Variants in EGFL8 observed in about 807,000 individuals in gnomAD.
EGFL8 encodes the protein EGF like domain multiple 8.
A neutral mutation model predicts 39.4 loss-of-function variants in EGFL8; 32 were observed. The ratio of observed to expected loss-of-function variants is 0.81; its 90% confidence interval spans 0.61 to 1.09. EGFL8 has a LOEUF of 1.09. Ranked by LOEUF, EGFL8 falls within the 50% of genes least tolerant of loss-of-function variation. EGFL8 has a pLI of 0.00. For synonymous variants in EGFL8, 177 were observed against 168.5 expected (o/e 1.05, Z -0.39); for missense variants, 385 against 402.2 (o/e 0.96, Z 0.37).
rs1018861803 is a variant in EGFL8, at chr6:32,166,848, C to T, written c.334+38C>T. 3 of 1,577,138 alleles carry T rather than the reference C, an allele frequency of 1.9e-6. No homozygotes were observed. Among genetic ancestry groups the T allele is most frequent in the South Asian group, 2.3e-5 (2 of 86,224 alleles). ...CTTCCGGGCCTTGCGGGAGGCGCGC[C>T]CCACGGAGCTGGGGAGCTGGGTCGT... is the stretch of plus-strand genomic sequence containing the variant. On this transcript the variant is annotated intron_variant, in intron 4 of 8. Transcript: ENST00000333845. This position sits in a 1 kb window ranked among gnomAD's most constrained non-coding sequence, Gnocchi z 7.3.
chr6:32,168,078 G>T lies in EGFL8; in HGVS notation c.*122G>T, dbSNP rs1196175411. 6.6e-6 allele frequency: 7 copies of T among 1,053,720 alleles called. No homozygotes were observed. The highest frequency in any genetic ancestry group is 1.0e-5 in the Non-Finnish European group (7 of 690,748). The allele number at this position is 1,053,720 out of a possible 1,614,324, so 65.3% of individuals were successfully genotyped here. ...AGCCACCAAAGAGCAATGAACAATG[G>T]AAACTTCAGAGAGCTGAAGAAAGGG... On this transcript the variant is annotated 3_prime_UTR_variant, in exon 9 of 9. Transcript: ENST00000333845. This position sits in a 1 kb window ranked among gnomAD's most constrained non-coding sequence, Gnocchi z 4.5.
chr6:32,167,762 C>G lies in EGFL8; in HGVS notation c.835+106C>G. ...TTCCTCCAAGCCCCTCTCCAACATT[C>G]ACTATCCTCATGCCTCTCCACTTTA... On this transcript the variant is annotated intron_variant, in intron 8 of 8. Transcript: ENST00000333845. This position sits in a 1 kb window ranked among gnomAD's most constrained non-coding sequence, Gnocchi z 6.4. 2 of 1,527,810 alleles carry G rather than the reference C, an allele frequency of 1.3e-6. No homozygotes were observed. Among genetic ancestry groups the G allele is most frequent in the Non-Finnish European group, 1.8e-6 (2 of 1,121,954 alleles). The allele number at this position is 1,527,810 out of a possible 1,614,324, so 94.6% of individuals were successfully genotyped here. A position where few individuals can be genotyped will look rare whatever the true frequency, so the allele number is the denominator to read the frequency against.
rs1784705041 is a variant in EGFL8, at chr6:32,168,041, G to A, written c.*85G>A. 2 of 1,363,418 alleles carry A rather than the reference G, an allele frequency of 1.5e-6. No homozygotes were observed. The highest frequency in any genetic ancestry group is 2.1e-6 in the Non-Finnish European group (2 of 954,270). The allele number at this position is 1,363,418 out of a possible 1,614,324, so 84.5% of individuals were successfully genotyped here. A position where few individuals can be genotyped will look rare whatever the true frequency, so the allele number is the denominator to read the frequency against. On this transcript the variant is annotated 3_prime_UTR_variant, in exon 9 of 9. Transcript: ENST00000333845. This position sits in a 1 kb window ranked among gnomAD's most constrained non-coding sequence, Gnocchi z 4.5. ...TGGGATTGGCCGACTGTGAGCTGCA[G>A]ATAAGGCTATCAGCCACCAAAGAGC...
At position 32,166,918 on chromosome 6, in the gene EGFL8, G is replaced by T. The variant is rs748795876; in HGVS notation, c.343G>T (p.Ala115Ser). ...ACTTCCTCTGTCCTCAGCCATCTGC[G>T]CCAAGCCTTGCCTGAACGGAGGCGT... ...PGALTCEAIC[A>S]KPCLNGGVCV... Residue 115 changes from alanine (A) to serine (S), a missense_variant, in exon 5 of 9, where the codon GCC becomes TCC. Ala to Ser is a moderately conservative substitution (Grantham distance 99). Coordinates refer to ENST00000333845, the MANE Select transcript of EGFL8 (RefSeq NM_030652.4). The surrounding 1 kb of genome is among the most constrained non-coding windows in gnomAD (Gnocchi z 7.3). 2 of 1,611,706 alleles carry T rather than the reference G, an allele frequency of 1.2e-6. No homozygotes were observed. Among genetic ancestry groups the T allele is most frequent in the Non-Finnish European group, 1.7e-6 (2 of 1,178,574 alleles).
chr6:32,167,764 C>A lies in EGFL8; in HGVS notation c.835+108C>A. 6.6e-7 allele frequency: 1 copy of A among 1,525,518 alleles called. No homozygotes were observed. The highest frequency in any genetic ancestry group is 8.9e-7 in the Non-Finnish European group (1 of 1,119,562). 94.5% of individuals were successfully genotyped at this position (1,525,518 alleles called of 1,614,324 possible). ...CCTCCAAGCCCCTCTCCAACATTCA[C>A]TATCCTCATGCCTCTCCACTTTACC... On this transcript the variant is annotated intron_variant, in intron 8 of 8. Coordinates refer to ENST00000333845, the MANE Select transcript of EGFL8 (RefSeq NM_030652.4). This position sits in a 1 kb window ranked among gnomAD's most constrained non-coding sequence, Gnocchi z 6.4.
chr6:32,167,184 A>G lies in EGFL8; in HGVS notation c.528A>G (p.Leu176=). 1 of 1,613,034 alleles carries G rather than the reference A, an allele frequency of 6.2e-7. No homozygotes were observed. The highest frequency in any genetic ancestry group is 2.2e-5 in the East Asian group (1 of 44,882). The change falls in exon 6 of 9, where the codon CTA becomes CTG. Residue 176 remains leucine (L), a synonymous_variant. Transcript: ENST00000333845. The surrounding 1 kb of genome is among the most constrained non-coding windows in gnomAD (Gnocchi z 6.4). The stretch of plus-strand genomic sequence containing the variant: ...GCGGCTGCCCCCATGACCTAGTGCT[A>G]GGCGTGGACGGGCGCACCTGCATGG... ...FTCGCPHDLV[L]GVDGRTCMEG...
At position 32,166,994 on chromosome 6, in the gene EGFL8, A is replaced by G. The variant is rs750772710; in HGVS notation, c.419A>G (p.His140Arg). Reference protein sequence around the residue: ...CECAPGWGGKHCHVDVDECRT... With the variant: ...CECAPGWGGKRCHVDVDECRT... ...TGCGCCCCCGGCTGGGGAGGGAAGC[A>G]CTGTCATGTGGGTGAGTCAGCTTGT... The change falls in exon 5 of 9, where the codon CAC becomes CGC. Residue 140 changes from histidine to arginine, a missense_variant. Physicochemically the swap from His to Arg is conservative, Grantham distance 29. Coordinates refer to ENST00000333845, the MANE Select transcript of EGFL8 (RefSeq NM_030652.4). This position sits in a 1 kb window ranked among gnomAD's most constrained non-coding sequence, Gnocchi z 7.3. 4 of 1,613,028 alleles carry G rather than the reference A, an allele frequency of 2.5e-6. No individual in the cohort carries two copies. The highest frequency in any genetic ancestry group is 1.1e-5 in the South Asian group (1 of 91,080).
chr6:32,167,528 TC>T lies in EGFL8; in HGVS notation c.708del (p.Arg237GlufsTer40), dbSNP rs929172048. 8.7e-6 allele frequency: 14 copies of T among 1,607,978 alleles called. No homozygotes were observed. The Admixed American group carries it at 1.8e-4, about 21-fold the overall frequency. The part of the protein sequence containing the change: ...EQWAGQAGAW[V>X]RAVLPVPPEE... ...TGGGCCGGTCAGGCTGGGGCCTGGGTCAGAGCGGTGCTGCCCGTGCCGCCTG... is the reference window on the plus strand; with the variant it reads ...TGGGCCGGTCAGGCTGGGGCCTGGGTAGAGCGGTGCTGCCCGTGCCGCCTG... On this transcript the variant is annotated frameshift_variant, in exon 8 of 9. Transcript: ENST00000333845. LOFTEE classifies it high-confidence loss of function. The surrounding 1 kb of genome is among the most constrained non-coding windows in gnomAD (Gnocchi z 6.4).
chr6:32,166,278 G>T lies in EGFL8; in HGVS notation c.101+12G>T. ...TCCCTCAGAGAGAGGTGACAACAGA[G>T]GGGGTAGGGCCCGGGGTGAGCTCTT... is the stretch of plus-strand genomic sequence containing the variant. On this transcript the variant is annotated intron_variant, in intron 2 of 8. Transcript: ENST00000333845. The surrounding 1 kb of genome is among the most constrained non-coding windows in gnomAD (Gnocchi z 7.3). The T allele has an allele frequency of 6.2e-7, 1 of 1,613,746 alleles. No homozygotes were observed. The highest frequency in any genetic ancestry group is 8.5e-7 in the Non-Finnish European group (1 of 1,179,790).
Position 32,166,063 on chromosome 6 carries a change from G to T in EGFL8, c.-28-75G>T. The T allele has an allele frequency of 8.9e-7, 1 of 1,125,600 alleles. No individual in the cohort carries two copies. Among genetic ancestry groups the T allele is most frequent in the Non-Finnish European group, 1.3e-6 (1 of 747,716 alleles). The allele number at this position is 1,125,600 out of a possible 1,614,324, so 69.7% of individuals were successfully genotyped here. A position where few individuals can be genotyped will look rare whatever the true frequency, so the allele number is the denominator to read the frequency against. On this transcript the variant is annotated intron_variant, in intron 1 of 8. Transcript: ENST00000333845. This position sits in a 1 kb window ranked among gnomAD's most constrained non-coding sequence, Gnocchi z 7.3. ...CTCCCTTAGAGGGTACCTGCAGAGT[G>T]CCCTTGGAGGGACTAGTGCTGGAGA...
rs773352482 is a variant in EGFL8 at position 32,167,187 on chromosome 6, C to T, written c.531C>T (p.Gly177=). Residue 177 remains glycine, a synonymous_variant, in exon 6 of 9, where the codon GGC becomes GGT. Coordinates refer to ENST00000333845, the MANE Select transcript of EGFL8 (RefSeq NM_030652.4). This position sits in a 1 kb window ranked among gnomAD's most constrained non-coding sequence, Gnocchi z 6.4. ...TCGCPHDLVL[G]VDGRTCMEGS... is the part of the protein sequence containing the mutation. ...GCTGCCCCCATGACCTAGTGCTAGG[C>T]GTGGACGGGCGCACCTGCATGGAGG... 18 of 1,612,912 alleles carry T rather than the reference C, an allele frequency of 1.1e-5. No homozygotes were observed. Among genetic ancestry groups the T allele is most frequent in the South Asian group, 5.5e-5 (5 of 91,088 alleles).
Position 32,167,326 on chromosome 6 carries a change from A to C in EGFL8, c.602-24A>C. 6.2e-7 allele frequency: 1 copy of C among 1,612,766 alleles called. No individual in the cohort carries two copies. Among genetic ancestry groups the C allele is most frequent in the Non-Finnish European group, 8.5e-7 (1 of 1,179,970 alleles). ...GCGTCCGGGCTCGGGTAGTGGTCAC[A>C]CTCTTGGTCTCCTTTGTCCCTAGTT... is the stretch of plus-strand genomic sequence containing the variant. On this transcript the variant is annotated intron_variant, in intron 6 of 8. Transcript: ENST00000333845. This position sits in a 1 kb window ranked among gnomAD's most constrained non-coding sequence, Gnocchi z 6.4.
In EGFL8 at chr6:32,166,792, G is replaced by A; in HGVS notation, c.316G>A (p.Gly106Arg). The A allele has an allele frequency of 1.9e-6, 3 of 1,570,610 alleles. No individual in the cohort carries two copies. The highest frequency in any genetic ancestry group is 2.6e-6 in the Non-Finnish European group (3 of 1,157,090). ...CCQGWKKRHP[G>R]ALTCEAICAK... The stretch of plus-strand genomic sequence containing the variant: ...CCAGGGCTGGAAGAAGCGGCACCCG[G>A]GGGCGCTCACCTGTGAAGGTGAGGC... Residue 106 changes from glycine (G) to arginine (R), a missense_variant, in exon 4 of 9, where the codon GGG (glycine) becomes AGG (arginine). Coordinates refer to ENST00000333845, the MANE Select transcript of EGFL8 (RefSeq NM_030652.4). The surrounding 1 kb of genome is among the most constrained non-coding windows in gnomAD (Gnocchi z 7.3).
At position 32,166,387 on chromosome 6, in the gene EGFL8, C is replaced by A. The variant is rs1784484126; in HGVS notation, c.102-111C>A. The A allele has an allele frequency of 1.3e-6, 2 of 1,595,266 alleles. No individual in the cohort carries two copies. The highest frequency in any genetic ancestry group is 1.7e-5 in the Admixed American group (1 of 59,648). ...TAGAATGGGGGTGAGAGGCTGTCAT[C>A]TGGAGGGAGAGCGGGGGGCCTCAGT... On this transcript the variant is annotated intron_variant, in intron 2 of 8. Coordinates refer to ENST00000333845, the MANE Select transcript of EGFL8 (RefSeq NM_030652.4). This position sits in a 1 kb window ranked among gnomAD's most constrained non-coding sequence, Gnocchi z 7.3.
chr6:32,165,187 C>G (rs2127401366), intron 1 of EGFL8: 1 of 149,952 alleles, frequency 6.7e-6, no homozygotes, highest in South Asian at 2.3e-4. Flanking sequence ...GCTGGGATTA[C>G]AGGTGTGAGC....
chr6:32,167,718 C>T lies in EGFL8; in HGVS notation c.835+62C>T. 1 of 1,562,598 alleles carries T rather than the reference C, an allele frequency of 6.4e-7. No homozygotes were observed. The highest frequency in any genetic ancestry group is 8.7e-7 in the Non-Finnish European group (1 of 1,151,786). ...CCCCAACTTTCCCCAAGACCCCTCT[C>T]CATTCAGGCATTCCCTCTTTCCTCC... is the stretch of plus-strand genomic sequence containing the variant. On this transcript the variant is annotated intron_variant, in intron 8 of 8. Coordinates refer to ENST00000333845, the MANE Select transcript of EGFL8 (RefSeq NM_030652.4). This position sits in a 1 kb window ranked among gnomAD's most constrained non-coding sequence, Gnocchi z 6.4.
At position 32,167,276 on chromosome 6, in the gene EGFL8, G is replaced by T; in HGVS notation, c.601+19G>T. 7.0e-7 allele frequency: 1 copy of T among 1,430,846 alleles called. No homozygotes were observed. The highest frequency in any genetic ancestry group is 1.6e-5 in the African/African-American group (1 of 60,676). 88.6% of individuals were successfully genotyped at this position (1,430,846 alleles called of 1,614,324 possible). A position where few individuals can be genotyped will look rare whatever the true frequency, so the allele number is the denominator to read the frequency against. Reference sequence around the variant, plus strand: ...GTGGCCGGTGAGTGGGCAGGAGTACGGGCCACCCGAGGGACTCGGGACGGG... The same window carrying T: ...GTGGCCGGTGAGTGGGCAGGAGTACTGGCCACCCGAGGGACTCGGGACGGG... On this transcript the variant is annotated intron_variant, in intron 6 of 8. Coordinates refer to ENST00000333845, the MANE Select transcript of EGFL8 (RefSeq NM_030652.4). This position sits in a 1 kb window ranked among gnomAD's most constrained non-coding sequence, Gnocchi z 6.4.
Position 32,167,224 on chromosome 6 carries a change from C to A in EGFL8, c.568C>A (p.Pro190Thr). 1 of 1,612,516 alleles carries A rather than the reference C, an allele frequency of 6.2e-7. No homozygotes were observed. Among genetic ancestry groups the A allele is most frequent in the South Asian group, 1.1e-5 (1 of 91,050 alleles). The change falls in exon 6 of 9, where the codon CCC becomes ACC. Residue 190 changes from proline to threonine, a missense_variant. Transcript: ENST00000333845. This position sits in a 1 kb window ranked among gnomAD's most constrained non-coding sequence, Gnocchi z 6.4. ...GRTCMEGSPE[P>T]PTSASILSVA... ...CACCTGCATGGAGGGGTCCCCAGAG[C>A]CCCCAACCAGTGCCAGCATACTCAG...
chr6:32,166,060 A>T lies in EGFL8; in HGVS notation c.-28-78A>T. Reference sequence around the variant, plus strand: ...TGACTCCCTTAGAGGGTACCTGCAGAGTGCCCTTGGAGGGACTAGTGCTGG... The same window carrying T: ...TGACTCCCTTAGAGGGTACCTGCAGTGTGCCCTTGGAGGGACTAGTGCTGG... On this transcript the variant is annotated intron_variant, in intron 1 of 8. Transcript: ENST00000333845. This position sits in a 1 kb window ranked among gnomAD's most constrained non-coding sequence, Gnocchi z 7.3. The T allele has an allele frequency of 9.1e-7, 1 of 1,094,444 alleles. No individual in the cohort carries two copies. The highest frequency in any genetic ancestry group is 1.3e-5 in the South Asian group (1 of 77,520). The allele number at this position is 1,094,444 out of a possible 1,614,324, so 67.8% of individuals were successfully genotyped here. A position where few individuals can be genotyped will look rare whatever the true frequency, so the allele number is the denominator to read the frequency against.
Sources: allele counts gnomAD v4.1 joint callset, GRCh38; gene constraint gnomAD v4.1.1; non-coding constraint Gnocchi (gnomAD v3.1); transcripts MANE v1.5; gene names NCBI Gene and HGNC (gene_info 2026-07-23, HGNC 2026-07-21).